FERRY3: variants seen among roughly 807,000 people sequenced by gnomAD.
FERRY3 encodes protein C12orf4.
the FERRY3 span, among the ~76,000 whole-genome samples, chr12:4,537,615 C>A: frequency 1.3e-5 from 2 of 151,996 alleles, no homozygotes; most frequent in Non-Finnish European, 2.9e-5. Flanking sequence ...TGTCGTGGGG[C>A]GGGGCTAAGT....
the FERRY3 span, among the ~76,000 whole-genome samples, chr12:4,499,478 T>C: frequency 3.0e-3 from 461 of 152,276 alleles, 4 homozygotes; most frequent in African/African-American, 0.01. Context: ...ATTTCTACAA[T>C]GTATGCCTTC....
At chr12:4,509,580 GTCCCTGA>G in the FERRY3 span, among the ~76,000 whole-genome samples, 1 of 147,868 alleles carries the variant, frequency 6.8e-6, no homozygotes, top group Non-Finnish European at 1.5e-5. Context: ...CCTCAAGTGG[GTCCCTGA>G]CCCCTGACCC....
chr12:4,529,888 G>T, the FERRY3 span: 21 of 1,581,386 alleles, frequency 1.3e-5, no homozygotes, highest in Non-Finnish European at 1.7e-5. Context: ...AATTTTTTCA[G>T]CTCCACATCT....
the FERRY3 span, chr12:4,489,701 G>A: frequency 2.5e-6 from 2 of 787,070 alleles, no homozygotes; most frequent in Non-Finnish European, 4.1e-6. Context: ...GGATTGAGCT[G>A]CAAGTTCTCT....
At chr12:4,527,865 A>G in the FERRY3 span, among the ~76,000 whole-genome samples, 1 of 152,154 alleles carries the variant, frequency 6.6e-6, no homozygotes, top group Non-Finnish European at 1.5e-5. Flanking sequence ...TATGATTTCA[A>G]ACAATAAAAT....
chr12:4,503,867 T>TAA, the FERRY3 span, among the ~76,000 whole-genome samples: 1 of 151,348 alleles, frequency 6.6e-6, no homozygotes, highest in African/African-American at 2.4e-5. Flanking sequence ...GAGTTATGTT[T>TAA]AAAAAAAAAC....
chr12:4,536,250 T>G, the FERRY3 span: 2 of 1,231,476 alleles, frequency 1.6e-6, no homozygotes, highest in Non-Finnish European at 2.2e-6. Flanking sequence ...TATAAGTCCA[T>G]AAAGAAATTA....
At chr12:4,514,672 A>C in the FERRY3 span, among the ~76,000 whole-genome samples, 1 of 145,404 alleles carries the variant, frequency 6.9e-6, no homozygotes, top group Non-Finnish European at 1.5e-5. Context: ...GCATATTCTC[A>C]CTCATAGGTG....
the FERRY3 span, among the ~76,000 whole-genome samples, chr12:4,520,135 TCTTGAAGGCCAAGTGGG>T: frequency 3.3e-5 from 5 of 152,162 alleles, no homozygotes; most frequent in Non-Finnish European, 7.3e-5. Context: ...TTTAACAGAT[TCTTGAAGGCCAAGTGGG>T]CTAGCATATC....
At chr12:4,514,697 A>G in the FERRY3 span, among the ~76,000 whole-genome samples, 1 of 141,270 alleles carries the variant, frequency 7.1e-6, no homozygotes, top group East Asian at 2.1e-4. Flanking sequence ...TTGAACAATG[A>G]GATCACATGG....
At chr12:4,530,073 T>C in the FERRY3 span, 8 of 1,580,774 alleles carry the variant, frequency 5.1e-6, no homozygotes, top group South Asian at 7.1e-5. Flanking sequence ...ATACAGACAA[T>C]CTTAAATCAT....
the FERRY3 span, chr12:4,488,531 G>T: frequency 2.0e-5 from 3 of 152,196 alleles, no homozygotes; most frequent in Non-Finnish European, 4.4e-5. The surrounding 1 kb of genome is among the most constrained non-coding windows in gnomAD (Gnocchi z 4.9). Flanking sequence ...TGGAGTGGGT[G>T]TTCTTAGGGT....
At chr12:4,536,241 A>T in the FERRY3 span, 4 of 1,300,052 alleles carry the variant, frequency 3.1e-6, no homozygotes, top group Non-Finnish European at 4.2e-6. Context: ...GCAGTAGGTT[A>T]TAAGTCCATA....
the FERRY3 span, among the ~76,000 whole-genome samples, chr12:4,498,428 GA>G: frequency 1.3e-5 from 2 of 152,040 alleles, no homozygotes; most frequent in East Asian, 1.9e-4. Context: ...CTACAGTAGG[GA>G]AAAAAATGTT....
chr12:4,504,542 T>A, the FERRY3 span, among the ~76,000 whole-genome samples: 1 of 152,162 alleles, frequency 6.6e-6, no homozygotes, highest in Non-Finnish European at 1.5e-5. Flanking sequence ...ATAAAATAAA[T>A]GAGATGATCC....
the FERRY3 span, among the ~76,000 whole-genome samples, chr12:4,506,931 T>C: frequency 6.6e-6 from 1 of 152,154 alleles, no homozygotes; most frequent in Non-Finnish European, 1.5e-5. Context: ...ACAAAGTCCT[T>C]CTATAACAAC....
the FERRY3 span, chr12:4,491,073 T>A: frequency 1.0e-6 from 1 of 977,176 alleles, no homozygotes; most frequent in East Asian, 2.4e-5. Context: ...ACTGAGGCAC[T>A]AGATTACAGG....
chr12:4,521,090 G>A, the FERRY3 span, among the ~76,000 whole-genome samples: 1 of 152,168 alleles, frequency 6.6e-6, no homozygotes, highest in Non-Finnish European at 1.5e-5. Context: ...GCTGGGTGCG[G>A]TGGCTCATGC....
At chr12:4,506,998 C>T in the FERRY3 span, among the ~76,000 whole-genome samples, 2 of 152,078 alleles carry the variant, frequency 1.3e-5, no homozygotes, top group African/African-American at 4.8e-5. Flanking sequence ...TCACTGAAAC[C>T]ACAAAGTAGT....
Sources: gnomAD v4.1 joint callset for allele counts (sites outside exome capture counted in the v4.1 genomes callset) on GRCh38, gnomAD v4.1.1 for gene constraint, Gnocchi (gnomAD v3.1) non-coding constraint, MANE v1.5 for transcripts, NCBI Gene and HGNC (gene_info 2026-07-23, HGNC 2026-07-21) for gene names.